The following CWF19L2 variants were observed in gnomAD, a reference collection of about 807,000 sequenced individuals.
The protein encoded by CWF19L2 is CWF19-like protein 2.
A neutral mutation model predicts 111.7 loss-of-function variants in CWF19L2; 98 were observed. That is an observed-to-expected ratio of 0.88 (90% CI 0.75 to 1.04). CWF19L2 has a LOEUF of 1.04. CWF19L2 is among the 50% of genes least tolerant of loss of function. The pLI is 0.00. For missense variants in CWF19L2, 1,101 were observed against 1,051.4 expected (o/e 1.05, Z -0.65); for synonymous variants, 351 against 342.9 (o/e 1.02, Z -0.26).
At chr11:107,330,584 C>T (rs1859831217) in intron 16 of CWF19L2, among the ~76,000 whole-genome samples, 1 of 151,072 alleles carries the variant, frequency 6.6e-6, no homozygotes, top group Non-Finnish European at 1.5e-5. Flanking sequence ...CTTTTTCTCT[C>T]CCTTCCTTAC....
At chr11:107,402,873 G>GTGTGTGTATATATATATATA (rs1247886311) in intron 10 of CWF19L2, among the ~76,000 whole-genome samples, 32 of 94,438 alleles carry the variant, frequency 3.4e-4, no homozygotes, top group African/African-American at 1.4e-3. Context: ...ACTGTGGTGT[G>GTGTGTGTATATATATATATA]TATATATATA....
chr11:107,404,100 C>A, intron 10 of CWF19L2: 1 of 773,886 alleles, frequency 1.3e-6, no homozygotes, highest in Non-Finnish European at 2.4e-6. Context: ...GTTCTCCTTT[C>A]TCCATGTGAG....
chr11:107,359,105 T>C (rs960050648), intron 12 of CWF19L2, among the ~76,000 whole-genome samples: 1 of 152,192 alleles, frequency 6.6e-6, no homozygotes, highest in Non-Finnish European at 1.5e-5. Flanking sequence ...ATCATGAGTT[T>C]GGACTCACCA....
At chr11:107,365,228 C>T (rs563540316) in intron 12 of CWF19L2, among the ~76,000 whole-genome samples, 19 of 148,838 alleles carry the variant, frequency 1.3e-4, no homozygotes, top group African/African-American at 4.8e-4. Context: ...GATTCACAGC[C>T]GAATTCTATC....
intron 14 of CWF19L2, among the ~76,000 whole-genome samples, chr11:107,337,988 T>C (rs577235322): frequency 2.0e-5 from 3 of 152,306 alleles, no homozygotes; most frequent in South Asian, 4.1e-4. Flanking sequence ...GATATTGACA[T>C]TGATATAGTC....
intron 10 of CWF19L2, among the ~76,000 whole-genome samples, chr11:107,393,473 T>C (rs754020672): frequency 1.6e-4 from 25 of 152,206 alleles, no homozygotes; most frequent in Admixed American, 3.9e-4. Flanking sequence ...AGAGTAAACT[T>C]TATTCTCTAA....
At chr11:107,427,991 A>G (rs1317924417) in intron 8 of CWF19L2, among the ~76,000 whole-genome samples, 1 of 152,014 alleles carries the variant, frequency 6.6e-6, no homozygotes, top group Non-Finnish European at 1.5e-5. Context: ...TACTACAACC[A>G]TGTGTTTCTA....
intron 8 of CWF19L2, among the ~76,000 whole-genome samples, chr11:107,424,183 C>CT (rs11291377): frequency 0.022 from 3,236 of 145,902 alleles, 41 homozygotes; most frequent in Non-Finnish European, 0.035. Flanking sequence ...ACATTTCCCT[C>CT]TTTTTTTTTT....
At chr11:107,385,969 A>G (rs61335232) in intron 12 of CWF19L2, among the ~76,000 whole-genome samples, 2,647 of 152,286 alleles carry the variant, frequency 0.017, 60 homozygotes, top group African/African-American at 0.059. Flanking sequence ...CTTGTATTTT[A>G]TGATTATTGT....
intron 10 of CWF19L2, among the ~76,000 whole-genome samples, chr11:107,414,417 C>T (rs1861197939): frequency 6.6e-6 from 1 of 152,136 alleles, no homozygotes; most frequent in African/African-American, 2.4e-5. Context: ...TGTTCAACTT[C>T]TAACTACATT....
At chr11:107,447,908 A>G (rs1004857912) in intron 3 of CWF19L2, among the ~76,000 whole-genome samples, 2 of 152,214 alleles carry the variant, frequency 1.3e-5, no homozygotes, top group Non-Finnish European at 2.9e-5. Context: ...TGTTCAAGGA[A>G]GGGAAAATGT....
At chr11:107,383,157 C>T (rs1424611113) in intron 12 of CWF19L2, among the ~76,000 whole-genome samples, 2 of 152,318 alleles carry the variant, frequency 1.3e-5, no homozygotes, top group Non-Finnish European at 2.9e-5. Context: ...GCAAATTAAT[C>T]GTACCCGAAG....
intron 10 of CWF19L2, among the ~76,000 whole-genome samples, chr11:107,400,244 A>AAAAAC (rs1555023029): frequency 4.0e-5 from 6 of 151,262 alleles, no homozygotes; most frequent in African/African-American, 1.2e-4. Context: ...GAAATTGAAA[A>AAAAAC]AAACAAACCA....
chr11:107,407,121 C>A (rs929069428), intron 10 of CWF19L2, among the ~76,000 whole-genome samples: 1 of 152,056 alleles, frequency 6.6e-6, no homozygotes, highest in African/African-American at 2.4e-5. Context: ...TCTTCATTAA[C>A]AACTGTCTAC....
chr11:107,453,471 A>C (rs1454181698), intron 3 of CWF19L2, among the ~76,000 whole-genome samples: 1 of 151,974 alleles, frequency 6.6e-6, no homozygotes, highest in African/African-American at 2.4e-5. Context: ...TGCATCTTGA[A>C]TACCAGCTCA....
intron 12 of CWF19L2, among the ~76,000 whole-genome samples, chr11:107,357,806 C>T (rs1009869320): frequency 2.6e-5 from 4 of 152,084 alleles, no homozygotes; most frequent in African/African-American, 4.8e-5. Flanking sequence ...ACCGTATTCT[C>T]ATTATTTGAG....
intron 8 of CWF19L2, among the ~76,000 whole-genome samples, chr11:107,426,193 G>C (rs1565279061): frequency 1.3e-5 from 2 of 151,158 alleles, no homozygotes; most frequent in Non-Finnish European, 3.0e-5. Context: ...CTCAAAAAAA[G>C]GGCAAAACAT....
chr11:107,341,655 A>G (rs1860006251), intron 14 of CWF19L2, among the ~76,000 whole-genome samples: 1 of 152,206 alleles, frequency 6.6e-6, no homozygotes, highest in Non-Finnish European at 1.5e-5. Flanking sequence ...TCAAGAGATT[A>G]TATAAAATTG....
intron 8 of CWF19L2, among the ~76,000 whole-genome samples, chr11:107,419,183 T>C (rs1355824566): frequency 2.0e-5 from 3 of 152,174 alleles, no homozygotes; most frequent in African/African-American, 7.2e-5. Flanking sequence ...CTAGCTAGAC[T>C]AGGAAATCAC....
Sources: gnomAD v4.1 joint callset for allele counts (sites outside exome capture counted in the v4.1 genomes callset) on GRCh38, gnomAD v4.1.1 for gene constraint, MANE v1.5 for transcripts, NCBI Gene and HGNC (gene_info 2026-07-23, HGNC 2026-07-21) for gene names.